Variants in CPQ observed in about 807,000 individuals in gnomAD.
The protein encoded by CPQ is carboxypeptidase Q.
CPQ carries 37 observed loss-of-function variants against 45.7 expected under a neutral mutation model. That is an observed-to-expected ratio of 0.81 (90% CI 0.62 to 1.07). CPQ has a LOEUF of 1.07. Among genes scored for constraint, CPQ ranks in the 50% least tolerant of loss-of-function variants. The pLI is 0.00. For missense variants in CPQ, 537 were observed against 572.9 expected (o/e 0.94, Z 0.64); for synonymous variants, 186 against 205.8 (o/e 0.90, Z 0.82).
At chr8:97,132,867 A>G (rs766871592) in intron 7 of CPQ, 2 of 152,272 alleles carry the variant, frequency 1.3e-5, no homozygotes, top group African/African-American at 2.4e-5. Flanking sequence ...ACGTCAGACC[A>G]TGAAAAGAGA....
chr8:96,979,641 C>T (rs1386830981), intron 5 of CPQ, among the ~76,000 whole-genome samples: 3 of 152,150 alleles, frequency 2.0e-5, no homozygotes, highest in Non-Finnish European at 4.4e-5. Context: ...ATGCTATGAA[C>T]ATCTGATCGG....
intron 2 of CPQ, among the ~76,000 whole-genome samples, chr8:96,814,174 A>G (rs1331427653): frequency 6.6e-6 from 1 of 152,082 alleles, no homozygotes; most frequent in Non-Finnish European, 1.5e-5. Context: ...AATAAATTAG[A>G]TTTTAATTTT....
chr8:96,737,560 T>C (rs1810004246), intron 1 of CPQ, among the ~76,000 whole-genome samples: 1 of 151,814 alleles, frequency 6.6e-6, no homozygotes, highest in South Asian at 2.1e-4. Flanking sequence ...TTTTTCACGT[T>C]TTTCTGCCTG....
intron 2 of CPQ, among the ~76,000 whole-genome samples, chr8:96,796,716 T>C (rs574273797): frequency 1.3e-5 from 2 of 152,286 alleles, no homozygotes; most frequent in Admixed American, 6.5e-5. Context: ...ACTTAAGGTC[T>C]CAGTGTAGCT....
rs369280551 is a variant in CPQ at position 96,805,428 on chromosome 8, G to A, written c.433+20098G>A. Among the ~76,000 whole-genome samples the A allele has an allele frequency of 5.3e-4, 80 of 152,094 alleles. 1 individual carries two copies. Among genetic ancestry groups the A allele is most frequent in the African/African-American group, 1.8e-3 (74 of 41,484 alleles). ...AGTGTGACCTTTATCAACTTATTTC[G>A]CCTTTCAAAGGCTCTGTTTTATTTT... is the stretch of plus-strand genomic sequence containing the variant. On this transcript the variant is annotated intron_variant, in intron 2 of 7. Coordinates refer to ENST00000220763, the MANE Select transcript of CPQ (RefSeq NM_016134.4).
intron 1 of CPQ, among the ~76,000 whole-genome samples, chr8:96,766,707 C>CT (rs1323521324): frequency 6.6e-6 from 1 of 152,184 alleles, no homozygotes; most frequent in Non-Finnish European, 1.5e-5. Flanking sequence ...CAGGTTTACT[C>CT]TGGAGCTGTG....
At chr8:96,678,235 G>A (rs1411275578) in intron 1 of CPQ, among the ~76,000 whole-genome samples, 1 of 152,064 alleles carries the variant, frequency 6.6e-6, no homozygotes, top group Non-Finnish European at 1.5e-5. Flanking sequence ...GATGGGAATT[G>A]CATTGAATCC....
chr8:96,685,114 C>CAACAAAAAAACAAA (rs1563702129), intron 1 of CPQ, among the ~76,000 whole-genome samples: 3 of 144,646 alleles, frequency 2.1e-5, no homozygotes, highest in East Asian at 2.0e-4. Context: ...CAAAAACAAA[C>CAACAAAAAAACAAA]AAACAACAAA....
At chr8:96,867,191 A>G (rs1351725198) in intron 3 of CPQ, among the ~76,000 whole-genome samples, 1 of 152,046 alleles carries the variant, frequency 6.6e-6, no homozygotes, top group East Asian at 1.9e-4. Flanking sequence ...TATTTTCCCT[A>G]AAAAGTATTC....
At chr8:96,790,298 T>G (rs1282390287) in intron 2 of CPQ, among the ~76,000 whole-genome samples, 1 of 152,024 alleles carries the variant, frequency 6.6e-6, no homozygotes, top group African/African-American at 2.4e-5. Context: ...ATATCCCTAG[T>G]GGATGATAAG....
intron 1 of CPQ, among the ~76,000 whole-genome samples, chr8:96,745,167 G>A (rs910467636): frequency 3.9e-5 from 6 of 152,260 alleles, no homozygotes; most frequent in Middle Eastern, 3.4e-3. Flanking sequence ...AATTAGCTGG[G>A]CATGGTGGCT....
chr8:97,032,611 A>G (rs565886128), intron 6 of CPQ, among the ~76,000 whole-genome samples: 14 of 152,256 alleles, frequency 9.2e-5, no homozygotes, highest in South Asian at 4.2e-4. Context: ...CTTTCTAAAC[A>G]CTTTAGCTGC....
intron 1 of CPQ, among the ~76,000 whole-genome samples, chr8:96,726,314 G>A (rs1196909634): frequency 3.3e-5 from 5 of 152,130 alleles, no homozygotes; most frequent in African/African-American, 1.2e-4. Flanking sequence ...TGGATTAATG[G>A]TATAACAGAT....
At chr8:97,044,782 G>A (rs1810205233) in intron 6 of CPQ, among the ~76,000 whole-genome samples, 1 of 152,194 alleles carries the variant, frequency 6.6e-6, no homozygotes, top group Non-Finnish European at 1.5e-5. Context: ...ATCAGCAGCG[G>A]TGGCTGCAGA....
At chr8:96,700,097 G>C (rs1335798053) in intron 1 of CPQ, among the ~76,000 whole-genome samples, 1 of 152,168 alleles carries the variant, frequency 6.6e-6, no homozygotes, top group Admixed American at 6.5e-5. Flanking sequence ...TGAGGCAGCA[G>C]AGGCTTAGCT....
intron 5 of CPQ, among the ~76,000 whole-genome samples, chr8:97,007,273 G>T (rs561110444): frequency 1.3e-5 from 2 of 152,290 alleles, no homozygotes; most frequent in East Asian, 1.9e-4. Flanking sequence ...GCATCAAATT[G>T]TTTTAACAGA....
chr8:96,707,070 G>T (rs561713340), intron 1 of CPQ, among the ~76,000 whole-genome samples: 1 of 152,134 alleles, frequency 6.6e-6, no homozygotes, highest in South Asian at 2.1e-4. Context: ...GCAACATATA[G>T]TTTCCACTTT....
intron 1 of CPQ, among the ~76,000 whole-genome samples, chr8:96,667,309 TTTCTC>T (rs1186660873): frequency 6.6e-6 from 1 of 152,078 alleles, no homozygotes; most frequent in African/African-American, 2.4e-5. Context: ...GATTTTTTGA[TTTCTC>T]TAATTTTGAA....
At chr8:96,870,554 T>A (rs1812053973) in intron 3 of CPQ, among the ~76,000 whole-genome samples, 1 of 151,954 alleles carries the variant, frequency 6.6e-6, no homozygotes, top group African/African-American at 2.4e-5. Context: ...ATTGCCAGGG[T>A]TCAGTTCTGT....
Sources: gnomAD v4.1 joint callset for allele counts (sites outside exome capture counted in the v4.1 genomes callset) on GRCh38, gnomAD v4.1.1 for gene constraint, MANE v1.5 for transcripts, NCBI Gene and HGNC (gene_info 2026-07-23, HGNC 2026-07-21) for gene names.